The following CLVS1 variants were observed in gnomAD, a reference collection of about 807,000 sequenced individuals.
CLVS1 encodes clavesin-1.
A neutral mutation model predicts 33.1 loss-of-function variants in CLVS1; 10 were observed. The observed-to-expected ratio is 0.30, with a 90% CI of 0.19 to 0.51. The LOEUF is 0.51. CLVS1 is among the 20% of genes least tolerant of loss of function. CLVS1 has a pLI of 0.97. For missense variants in CLVS1, 343 were observed against 433.4 expected (o/e 0.79, Z 1.85); for synonymous variants, 163 against 166.1 (o/e 0.98, Z 0.14).
chr8:60,977,290 G>T, the CLVS1 span, among the ~76,000 whole-genome samples: 10 of 152,016 alleles, frequency 6.6e-5, no homozygotes, highest in Non-Finnish European at 1.2e-4. Context: ...AATATACAAA[G>T]AAATAGGAAA....
chr8:61,455,114 T>C (rs1285743255), intron 4 of CLVS1, among the ~76,000 whole-genome samples: 1 of 152,152 alleles, frequency 6.6e-6, no homozygotes, highest in Non-Finnish European at 1.5e-5. Flanking sequence ...TATATACCTA[T>C]GCATTGTGAA....
intron 2 of CLVS1, among the ~76,000 whole-genome samples, chr8:61,354,112 G>C (rs1812587101): frequency 6.6e-6 from 1 of 151,934 alleles, no homozygotes; most frequent in African/African-American, 2.4e-5. Context: ...TCTTGAAAAA[G>C]ACACTTCTGG....
chr8:61,236,589 G>A (rs1585712070), intron 2 of CLVS1, among the ~76,000 whole-genome samples: 1 of 152,152 alleles, frequency 6.6e-6, no homozygotes, highest in African/African-American at 2.4e-5. Flanking sequence ...CAGCAGCACT[G>A]TTCCTGGGTG....
chr8:61,033,877 T>A, the CLVS1 span, among the ~76,000 whole-genome samples: 1 of 152,194 alleles, frequency 6.6e-6, no homozygotes, highest in South Asian at 2.1e-4. Flanking sequence ...GAGACTGATG[T>A]TTAAACTCTG....
At chr8:61,205,838 T>TA (rs1235930243) in intron 2 of CLVS1, among the ~76,000 whole-genome samples, 1 of 152,194 alleles carries the variant, frequency 6.6e-6, no homozygotes, top group Non-Finnish European at 1.5e-5. Context: ...ACACTAAACT[T>TA]AAAATTTTTT....
At chr8:61,018,798 A>G in the CLVS1 span, among the ~76,000 whole-genome samples, 11 of 152,302 alleles carry the variant, frequency 7.2e-5, no homozygotes, top group African/African-American at 2.6e-4. Context: ...GGTTTTCTAC[A>G]TTTACCTCCA....
chr8:61,034,367 AT>A, the CLVS1 span, among the ~76,000 whole-genome samples: 3 of 93,560 alleles, frequency 3.2e-5, no homozygotes, highest in African/African-American at 1.1e-4. Context: ...TCAAATACTT[AT>A]CATTTTTTTT....
At chr8:61,094,731 C>T (rs957960862) in intron 1 of CLVS1, among the ~76,000 whole-genome samples, 8 of 152,106 alleles carry the variant, frequency 5.3e-5, no homozygotes, top group Non-Finnish European at 1.2e-4. Context: ...CTGCTGAGGG[C>T]ACAGGAAAAA....
intron 2 of CLVS1, among the ~76,000 whole-genome samples, chr8:61,150,191 G>A (rs1354348543): frequency 3.3e-5 from 5 of 151,062 alleles, no homozygotes; most frequent in African/African-American, 4.9e-5. Flanking sequence ...TCAGTGAGAT[G>A]AGAACCCTTA....
In CLVS1 at chr8:61,236,571, T is replaced by TGCA. The variant is rs999898675; in HGVS notation, c.-151-63093_-151-63091dup. ...GGAGTTGAGAGTAAAATTTTACAAA[T>TGCA]GCAGCAGCAGCAGCACTGTTCCTGG... On this transcript the variant is annotated intron_variant, in intron 2 of 2. Coordinates refer to the CLVS1 transcript ENST00000522621. 4.6e-5 allele frequency among the ~76,000 whole-genome samples: 7 copies of TGCA among 152,230 alleles called. No individual in the cohort carries two copies. In the East Asian group the frequency reaches 1.2e-3, roughly 25 times the overall value.
chr8:61,387,726 G>A lies in CLVS1; in HGVS notation c.630+10947G>A, dbSNP rs185827015. On this transcript the variant is annotated intron_variant, in intron 3 of 5. Transcript: ENST00000325897. ...CTCACATTTATGAGTGAGAGCATAC[G>A]ATGTTTGGCTTTCCATTCCTGAGTT... Among the ~76,000 whole-genome samples, 29 of 152,228 alleles carry A rather than the reference G, an allele frequency of 1.9e-4. No homozygotes were observed. The South Asian group carries it at 2.5e-3, about 13-fold the overall frequency.
chr8:61,024,030 C>T, the CLVS1 span, among the ~76,000 whole-genome samples: 4 of 152,176 alleles, frequency 2.6e-5, no homozygotes, highest in Admixed American at 2.0e-4. Context: ...GGAAGCCATT[C>T]CTGCATGACT....
At chr8:61,004,833 AT>A in the CLVS1 span, among the ~76,000 whole-genome samples, 3 of 152,002 alleles carry the variant, frequency 2.0e-5, no homozygotes, top group Non-Finnish European at 4.4e-5. Flanking sequence ...TTCCCCTTTC[AT>A]TTTTCTTAAA....
chr8:61,068,554 C>A (rs1001623227), intron 1 of CLVS1, among the ~76,000 whole-genome samples: 2 of 152,120 alleles, frequency 1.3e-5, no homozygotes, highest in African/African-American at 4.8e-5. Flanking sequence ...CGACTCCTCT[C>A]AAGACCCATT....
At chr8:61,421,274 T>G (rs1815652859) in intron 3 of CLVS1, among the ~76,000 whole-genome samples, 1 of 152,136 alleles carries the variant, frequency 6.6e-6, no homozygotes, top group South Asian at 2.1e-4. Context: ...CAAGCATCAC[T>G]CAGCAAACGA....
intron 2 of CLVS1, among the ~76,000 whole-genome samples, chr8:61,327,395 A>G (rs1261920912): frequency 6.6e-6 from 1 of 152,226 alleles, no homozygotes; most frequent in Non-Finnish European, 1.5e-5. Context: ...AAAACAGTGA[A>G]TAAGAAATTT....
intron 4 of CLVS1, among the ~76,000 whole-genome samples, chr8:61,457,046 T>C (rs916868897): frequency 6.6e-6 from 1 of 151,814 alleles, no homozygotes; most frequent in Non-Finnish European, 1.5e-5. Flanking sequence ...CAAGTGATTC[T>C]CCTTCTCCAG....
intron 3 of CLVS1, among the ~76,000 whole-genome samples, chr8:61,408,131 G>A (rs1314712116): frequency 6.6e-6 from 1 of 152,150 alleles, no homozygotes; most frequent in Non-Finnish European, 1.5e-5. Context: ...CGGTCCATTG[G>A]GCGGTAGGGA....
chr8:61,063,560 C>T (rs372703285), intron 1 of CLVS1, among the ~76,000 whole-genome samples: 31 of 152,176 alleles, frequency 2.0e-4, no homozygotes, highest in Middle Eastern at 3.4e-3. Flanking sequence ...CAGGAGAATA[C>T]GGCAGGACCC....
Sources: gnomAD v4.1 joint callset for allele counts (sites outside exome capture counted in the v4.1 genomes callset) on GRCh38, gnomAD v4.1.1 for gene constraint, MANE v1.5 for transcripts, NCBI Gene and HGNC (gene_info 2026-07-23, HGNC 2026-07-21) for gene names.